Variants in UNC80 observed in about 807,000 individuals in gnomAD.
The protein encoded by UNC80 is unc-80 subunit of NALCN channel complex.
UNC80 carries 164 observed loss-of-function variants against 384.6 expected under a neutral mutation model. The observed-to-expected ratio is 0.43, with a 90% confidence interval of 0.38 to 0.49. The LOEUF is 0.49. Among genes scored for constraint, UNC80 ranks in the 20% least tolerant of loss-of-function variants. UNC80 has a pLI of 0.00. For missense variants in UNC80, 3,330 were observed against 4,143.0 expected, an observed-to-expected ratio of 0.80 and a Z score of 5.39; for synonymous variants, 1,486 against 1,527.8, an observed-to-expected ratio of 0.97 and a Z score of 0.64.
intron 22 of UNC80, among the ~76,000 whole-genome samples, chr2:209,870,262 A>G (rs1026027183): frequency 2.0e-5 from 3 of 152,212 alleles, no homozygotes; most frequent in Admixed American, 2.0e-4. Flanking sequence ...GTGACAGGCT[A>G]AGAATAAATT....
chr2:209,870,853 G>C (rs565583326), intron 22 of UNC80, among the ~76,000 whole-genome samples: 1 of 152,054 alleles, frequency 6.6e-6, no homozygotes, highest in Non-Finnish European at 1.5e-5. Flanking sequence ...TCTCAGAGGA[G>C]GTAACTAACT....
At chr2:209,939,963 ACACAGATTGCGGGGCCC>A (rs1440911475) in intron 43 of UNC80, among the ~76,000 whole-genome samples, 1 of 152,122 alleles carries the variant, frequency 6.6e-6, no homozygotes, top group Non-Finnish European at 1.5e-5. Context: ...ACTTGTTGAA[ACACAGATTGCGGGGCCC>A]CACGCTCCAC....
intron 53 of UNC80, among the ~76,000 whole-genome samples, chr2:209,970,547 A>G (rs1460321872): frequency 1.3e-5 from 2 of 152,172 alleles, no homozygotes; most frequent in Non-Finnish European, 2.9e-5. Context: ...ATTCACAACT[A>G]AGTGTCCAAT....
chr2:209,839,251 G>A lies in UNC80; in HGVS notation c.3071G>A (p.Gly1024Glu). 1 of 1,551,506 alleles carries A rather than the reference G, an allele frequency of 6.4e-7. No individual in the cohort carries two copies. Among genetic ancestry groups the A allele is most frequent in the Non-Finnish European group, 8.7e-7 (1 of 1,146,988 alleles). Residue 1024 changes from glycine (G) to glutamate (E), a missense_variant, in exon 19 of 65, where the codon GGG becomes GAG. Physicochemically the swap from Gly to Glu is moderately conservative, Grantham distance 98 (BLOSUM62 -2). This residue lies in a region of UNC80 where 801 missense variants were observed against 950.8 expected (regional missense o/e 0.84). Transcript: ENST00000673920. This position sits in a 1 kb window ranked among gnomAD's most constrained non-coding sequence, Gnocchi z 4.1. ...GAACAAATGCAAGGAGCCAACTTGG[G>A]GCGGAAAGATTTCTGGCGTAAGATG... ...HDEQMQGANL[G>E]RKDFWRKMFK... is the part of the protein sequence containing the mutation.
chr2:209,839,548 T>A lies in UNC80; in HGVS notation c.3250+118T>A. 9.8e-7 allele frequency: 1 copy of A among 1,018,762 alleles called. No individual in the cohort carries two copies. The allele number at this position is 1,018,762 out of a possible 1,614,324, so 63.1% of individuals were successfully genotyped here. A position where few individuals can be genotyped will look rare whatever the true frequency, so the allele number is the denominator to read the frequency against. ...GACCTTCAAGTCATAAGACCTAGAC[T>A]GACTTCATTCATTCATTCATTTAAT... On this transcript the variant is annotated intron_variant, in intron 19 of 64. Transcript: ENST00000673920. The surrounding 1 kb of genome is among the most constrained non-coding windows in gnomAD (Gnocchi z 4.1).
intron 40 of UNC80, 42 bp downstream of exon 40, chr2:209,935,850 C>T (rs1280872359): frequency 3.4e-6 from 4 of 1,164,576 alleles, no homozygotes; most frequent in Non-Finnish European, 4.9e-6. Context: ...AAGGACAATG[C>T]TATGGCCACC....
intron 45 of UNC80, among the ~76,000 whole-genome samples, chr2:209,944,178 C>T (rs546607331): frequency 6.6e-6 from 1 of 152,310 alleles, no homozygotes; most frequent in South Asian, 2.1e-4. Flanking sequence ...CAGCTCCTAA[C>T]ACATAAATAG....
chr2:209,897,240 A>G (rs2086887746), intron 28 of UNC80, among the ~76,000 whole-genome samples: 2 of 152,178 alleles, frequency 1.3e-5, no homozygotes, highest in Non-Finnish European at 2.9e-5. Context: ...TATACAGCTC[A>G]ATACATTTTT....
chr2:209,904,135 G>T (rs1200858540), intron 28 of UNC80, among the ~76,000 whole-genome samples: 2 of 152,172 alleles, frequency 1.3e-5, no homozygotes, highest in Non-Finnish European at 1.5e-5. Flanking sequence ...TTTAATGGGA[G>T]AATTATAGGA....
chr2:209,918,458 G>A, intron 32 of UNC80, 74 bp from the exon 33 acceptor site: 2 of 1,452,266 alleles, frequency 1.4e-6, no homozygotes, highest in Non-Finnish European at 1.9e-6. Flanking sequence ...GAGACAGATT[G>A]TGTCATCATT....
chr2:209,776,270 T>C (rs1379297542), intron 3 of UNC80, among the ~76,000 whole-genome samples: 1 of 152,242 alleles, frequency 6.6e-6, no homozygotes, highest in Admixed American at 6.5e-5. Flanking sequence ...AAGTAATATA[T>C]GAATATATTC....
At chr2:209,823,060 G>C (rs982468612) in intron 13 of UNC80, among the ~76,000 whole-genome samples, 2 of 152,152 alleles carry the variant, frequency 1.3e-5, no homozygotes, top group Non-Finnish European at 2.9e-5. Context: ...GGAATCAGAA[G>C]GTTTATCTAA....
intron 16 of UNC80, among the ~76,000 whole-genome samples, chr2:209,832,749 CT>C (rs1002574408): frequency 1.3e-5 from 2 of 152,246 alleles, no homozygotes; most frequent in African/African-American, 2.4e-5. Flanking sequence ...GCTTATACAT[CT>C]TTTTTTACAA....
intron 40 of UNC80, among the ~76,000 whole-genome samples, 172 bp from the exon 41 acceptor site, chr2:209,936,662 GTGTATACACA>G (rs2091267530): frequency 1.3e-5 from 2 of 151,772 alleles, no homozygotes; most frequent in African/African-American, 4.9e-5. Flanking sequence ...GTGTGTGTAT[GTGTATACACA>G]TATACACACA....
intron 56 of UNC80, among the ~76,000 whole-genome samples, chr2:209,973,874 G>C (rs557682747): frequency 6.6e-6 from 1 of 152,192 alleles, no homozygotes; most frequent in East Asian, 1.9e-4. Flanking sequence ...TCTCCATTTT[G>C]ATCATTACTC....
intron 61 of UNC80, 144 bp downstream of exon 61, chr2:209,985,056 C>A: frequency 1.5e-6 from 1 of 656,102 alleles, no homozygotes; most frequent in Non-Finnish European, 2.4e-6. Flanking sequence ...TGTTCATGAA[C>A]ATATGAGCCT....
chr2:209,895,852 T>C (rs1452357631), intron 27 of UNC80, among the ~76,000 whole-genome samples: 2 of 152,182 alleles, frequency 1.3e-5, no homozygotes, highest in Non-Finnish European at 2.9e-5. Flanking sequence ...ATCTTTGAAA[T>C]AGCTCTGGTA....
intron 7 of UNC80, among the ~76,000 whole-genome samples, chr2:209,801,368 C>A (rs1200357978): frequency 1.4e-5 from 2 of 143,646 alleles, no homozygotes; most frequent in Non-Finnish European, 3.0e-5. Context: ...ACTAGGATTG[C>A]AACCCCTGCT....
At chr2:209,814,410 A>G (rs2079586632) in intron 8 of UNC80, among the ~76,000 whole-genome samples, 1 of 151,706 alleles carries the variant, frequency 6.6e-6, no homozygotes, top group African/African-American at 2.4e-5. Flanking sequence ...CACCCGGCTA[A>G]TTTTTTTGTA....
Sources: gnomAD v4.1 joint callset for allele counts (sites outside exome capture counted in the v4.1 genomes callset) on GRCh38, gnomAD v4.1.1 for gene constraint, gnomAD v4.1.1 regional missense constraint, Gnocchi (gnomAD v3.1) non-coding constraint, MANE v1.5 for transcripts, NCBI Gene and HGNC (gene_info 2026-07-23, HGNC 2026-07-21) for gene names.